RGS7: variants seen among roughly 807,000 people sequenced by gnomAD.
RGS7 encodes regulator of G-protein signaling 7.
A neutral mutation model predicts 81.1 loss-of-function variants in RGS7; 27 were observed. That is an observed-to-expected ratio of 0.33 (90% CI 0.25 to 0.46). The LOEUF is 0.46. Ranked by LOEUF, RGS7 falls within the 20% of genes least tolerant of loss-of-function variation. The probability of loss-of-function intolerance (pLI) is 1.00; values close to 1 mark genes in which losing one functional copy is unlikely to be tolerated. For synonymous variants in RGS7, 208 were observed against 207.7 expected, an observed-to-expected ratio of 1.00 and a Z score of -0.01; for missense variants, 396 against 607.4, an observed-to-expected ratio of 0.65 and a Z score of 3.66.
intron 12 of RGS7, 90 bp downstream of exon 12, chr1:240,814,626 C>T: frequency 1.2e-6 from 1 of 828,728 alleles, no homozygotes; most frequent in Non-Finnish European, 2.1e-6. Flanking sequence ...TCTGTCCCAA[C>T]TCCTGTCCCC....
chr1:241,026,701 A>T (rs2059806243), intron 3 of RGS7, among the ~76,000 whole-genome samples: 1 of 152,146 alleles, frequency 6.6e-6, no homozygotes, highest in Admixed American at 6.5e-5. Context: ...CTTACATTAC[A>T]GTAAGAGAGA....
At chr1:241,295,402 G>A (rs896648322) in intron 2 of RGS7, among the ~76,000 whole-genome samples, 6 of 151,826 alleles carry the variant, frequency 4.0e-5, no homozygotes, top group Non-Finnish European at 7.4e-5. Flanking sequence ...GCAGTGAGCC[G>A]AGATCGGGCC....
chr1:241,231,004 T>A (rs1434766220), intron 2 of RGS7, among the ~76,000 whole-genome samples: 1 of 152,218 alleles, frequency 6.6e-6, no homozygotes, highest in African/African-American at 2.4e-5. Flanking sequence ...TGGTTGTTGG[T>A]CGTACTCCCT....
intron 3 of RGS7, among the ~76,000 whole-genome samples, chr1:241,056,640 C>G (rs57562209): frequency 1.6e-3 from 239 of 152,230 alleles, no homozygotes; most frequent in Middle Eastern, 6.8e-3. Flanking sequence ...CTCAGGGCCC[C>G]GTGTAGAAAA....
intron 2 of RGS7, among the ~76,000 whole-genome samples, chr1:241,118,317 A>G (rs2066011924): frequency 6.6e-6 from 1 of 152,192 alleles, no homozygotes; most frequent in African/African-American, 2.4e-5. Context: ...TCTGGCAACC[A>G]TCTTATCTCA....
rs368023638 is a variant in RGS7 at position 240,831,883 on chromosome 1, C to A, written c.610-4711G>T. ...AACTCCTGACCTCAGGTGATCCACCCGCCTTGGCCTCCCGAAGTGCTGGAA... is the reference window on the plus strand; with the variant it reads ...AACTCCTGACCTCAGGTGATCCACCAGCCTTGGCCTCCCGAAGTGCTGGAA... On this transcript the variant is annotated intron_variant, in intron 9 of 18. Transcript: ENST00000440928. Among the ~76,000 whole-genome samples, 18 of 152,216 alleles carry A rather than the reference C, an allele frequency of 1.2e-4. No individual in the cohort carries two copies. The South Asian group carries it at 1.2e-3, about 11-fold the overall frequency.
intron 2 of RGS7, among the ~76,000 whole-genome samples, chr1:241,126,392 G>T (rs111720934): frequency 6.6e-6 from 1 of 151,896 alleles, no homozygotes; most frequent in Admixed American, 6.6e-5. Flanking sequence ...CAGGTGATCC[G>T]CCCGCCTTGG....
At chr1:241,047,452 C>A (rs1037099551) in intron 3 of RGS7, among the ~76,000 whole-genome samples, 1 of 149,958 alleles carries the variant, frequency 6.7e-6, no homozygotes. Flanking sequence ...TGAAGGATTA[C>A]CTGTTAAACA....
intron 2 of RGS7, among the ~76,000 whole-genome samples, chr1:241,232,692 TG>T (rs1391802525): frequency 6.7e-6 from 1 of 149,522 alleles, no homozygotes; most frequent in East Asian, 2.0e-4. Flanking sequence ...AAAAAAGGCC[TG>T]GGGGGAGCTT....
At position 241,315,107 on chromosome 1, in the gene RGS7, C is replaced by CTTTTTTTTTTTTTTTTTTTTTTTT. The variant is rs5782184; in HGVS notation, c.78+40568_78+40591dup. On this transcript the variant is annotated intron_variant, in intron 2 of 18. Transcript: ENST00000440928. ...GAAGCTTTTTTTTTTTCTTCTTCTTCTTTTTTTTTTTTTTTTTTTTTTTTT... is the reference window on the plus strand; with the variant it reads ...GAAGCTTTTTTTTTTTCTTCTTCTTCTTTTTTTTTTTTTTTTTTTTTTTTTTTTTTTTTTTTTTTTTTTTTTTTT... 9.1e-4 allele frequency among the ~76,000 whole-genome samples: 52 copies of CTTTTTTTTTTTTTTTTTTTTTTTT among 57,428 alleles called. 8 individuals carry two copies. The highest frequency in any genetic ancestry group is 1.1e-3 in the East Asian group (2 of 1,806). 37.7% of individuals were successfully genotyped at this position (57,428 alleles called of 152,430 possible).
At chr1:241,214,635 A>T (rs2074442998) in intron 2 of RGS7, among the ~76,000 whole-genome samples, 1 of 152,132 alleles carries the variant, frequency 6.6e-6, no homozygotes, top group Non-Finnish European at 1.5e-5. Flanking sequence ...TACAGATAAA[A>T]GTATATCAGA....
intron 2 of RGS7, among the ~76,000 whole-genome samples, chr1:241,127,189 A>T (rs2103021395): frequency 6.6e-6 from 1 of 152,290 alleles, no homozygotes; most frequent in Non-Finnish European, 1.5e-5. Flanking sequence ...TGAGTCTTGA[A>T]GTAGAAATAG....
chr1:241,278,832 C>T (rs2078339084), intron 2 of RGS7, among the ~76,000 whole-genome samples: 1 of 152,216 alleles, frequency 6.6e-6, no homozygotes, highest in Admixed American at 6.5e-5. Flanking sequence ...CTTGTCCACT[C>T]CTGTTCAGAC....
intron 3 of RGS7, among the ~76,000 whole-genome samples, chr1:241,017,445 A>C (rs1198276315): frequency 6.6e-6 from 1 of 151,760 alleles, no homozygotes; most frequent in Non-Finnish European, 1.5e-5. Flanking sequence ...GTCTCAAAAA[A>C]AAAAAAAAAA....
intron 18 of RGS7, among the ~76,000 whole-genome samples, chr1:240,797,770 TTAA>T (rs1205600993): frequency 4.6e-5 from 7 of 152,174 alleles, no homozygotes; most frequent in Admixed American, 3.9e-4. Context: ...TAAAGTCAAC[TTAA>T]TAACATTTAA....
chr1:241,000,021 C>T (rs370259210), intron 3 of RGS7, among the ~76,000 whole-genome samples: 3 of 152,282 alleles, frequency 2.0e-5, no homozygotes, highest in East Asian at 1.9e-4. Context: ...TGTTTCATGA[C>T]CACCTGCTGA....
intron 14 of RGS7, among the ~76,000 whole-genome samples, chr1:240,808,795 A>G (rs1689327360): frequency 6.6e-6 from 1 of 151,954 alleles, no homozygotes; most frequent in Non-Finnish European, 1.5e-5. Context: ...GGATCAGTTG[A>G]GCCCAGGATT....
intron 4 of RGS7, among the ~76,000 whole-genome samples, chr1:240,972,715 A>AC (rs201487619): frequency 0.02 from 2,309 of 117,942 alleles, 65 homozygotes; most frequent in African/African-American, 0.064. Flanking sequence ...AAAAAACAAA[A>AC]AAAAAAACCC....
intron 5 of RGS7, among the ~76,000 whole-genome samples, chr1:240,933,039 C>CCAT (rs1317667340): frequency 3.4e-5 from 5 of 148,608 alleles, no homozygotes; most frequent in Admixed American, 1.3e-4. Context: ...GCCCGCACCA[C>CCAT]GCCCGGCTAA....
Sources: gnomAD v4.1 joint callset for allele counts (sites outside exome capture counted in the v4.1 genomes callset) on GRCh38, gnomAD v4.1.1 for gene constraint, MANE v1.5 for transcripts, NCBI Gene and HGNC (gene_info 2026-07-23, HGNC 2026-07-21) for gene names.